TG: variants seen among roughly 807,000 people sequenced by gnomAD.
TG encodes thyroid hormones.
Under a neutral mutation model 324.7 loss-of-function variants are expected in TG, and 270 were observed. That is an observed-to-expected ratio of 0.83 (90% confidence interval 0.75 to 0.92). TG has a LOEUF of 0.92. Ranked by LOEUF, TG falls within the 40% of genes least tolerant of loss-of-function variation. The pLI, the probability that TG is intolerant of heterozygous loss-of-function variation, is 0.00. For missense variants in TG, 3,591 were observed against 3,456.4 expected (o/e 1.04, Z -0.98); for synonymous variants, 1,401 against 1,327.0 (o/e 1.06, Z -1.21).
At chr8:132,885,056 G>T (rs559255136) in intron 8 of TG, among the ~76,000 whole-genome samples, 1 of 151,374 alleles carries the variant, frequency 6.6e-6, no homozygotes, top group Non-Finnish European at 1.5e-5. Context: ...CTGTTGCCTG[G>T]TTACAGAAGG....
chr8:132,907,008 C>A, intron 17 of TG, 108 bp downstream of exon 17: 1 of 1,181,038 alleles, frequency 8.5e-7, no homozygotes, highest in Non-Finnish European at 1.2e-6. Context: ...AAATGTAGCA[C>A]GCTGGTGGTA....
chr8:133,052,335 A>G (rs1442918382), intron 41 of TG, among the ~76,000 whole-genome samples: 1 of 152,240 alleles, frequency 6.6e-6, no homozygotes, highest in Non-Finnish European at 1.5e-5. Context: ...CATTTGGGGA[A>G]GCTGAGTCCC....
chr8:133,018,243 T>C (rs869769), intron 38 of TG, among the ~76,000 whole-genome samples: 57,622 of 152,114 alleles, frequency 0.38, 11,177 homozygotes, highest in African/African-American at 0.43. Context: ...CTCTGCTCCA[T>C]GCAGTGATTC....
chr8:133,103,964 G>A (rs957151307), intron 43 of TG, among the ~76,000 whole-genome samples: 4 of 152,216 alleles, frequency 2.6e-5, no homozygotes, highest in African/African-American at 9.6e-5. Context: ...ACACTGAAGT[G>A]GGGCCATTGC....
chr8:133,045,170 C>T (rs1321686736), intron 41 of TG: 1 of 1,599,926 alleles, frequency 6.3e-7, no homozygotes, highest in Non-Finnish European at 8.5e-7. Flanking sequence ...CCCCAAGGCA[C>T]CCAGCTAACC....
intron 35 of TG, among the ~76,000 whole-genome samples, chr8:132,991,832 C>T (rs558454586): frequency 6.6e-6 from 1 of 152,222 alleles, no homozygotes; most frequent in South Asian, 2.1e-4. Flanking sequence ...GGTCTGGGCA[C>T]AGCCTCACAT....
chr8:132,888,269 T>A lies in TG; in HGVS notation c.2462T>A (p.Ile821Asn). 6.2e-7 allele frequency: 1 copy of A among 1,614,224 alleles called. No individual in the cohort carries two copies. The highest frequency in any genetic ancestry group is 8.5e-7 in the Non-Finnish European group (1 of 1,180,036). Reference protein sequence around the residue: ...EAASGNFSLFIQSLYEAGQQD... With the variant: ...EAASGNFSLFNQSLYEAGQQD... ...GCTTCCGGAAACTTCAGTCTCTTTATTCAAAGTCTGTATGAGGCTGGCCAG... is the reference window on the plus strand; with the variant it reads ...GCTTCCGGAAACTTCAGTCTCTTTAATCAAAGTCTGTATGAGGCTGGCCAG... Residue 821 changes from isoleucine to asparagine, a missense_variant, in exon 10 of 48, where the codon ATT becomes AAT. Coordinates refer to ENST00000220616, the MANE Select transcript of TG (RefSeq NM_003235.5).
chr8:133,073,782 C>G (rs754486374), intron 41 of TG, among the ~76,000 whole-genome samples: 64 of 152,240 alleles, frequency 4.2e-4, no homozygotes, highest in Non-Finnish European at 8.2e-4. Context: ...TGAGGCTCCC[C>G]CAACCCTTTA....
chr8:132,908,600 AG>A (rs1400440449), intron 18 of TG, among the ~76,000 whole-genome samples: 30 of 152,056 alleles, frequency 2.0e-4, no homozygotes, highest in Admixed American at 1.6e-3. Context: ...TTTGATGTCA[AG>A]GCTGAGGTCT....
chr8:132,961,094 G>A (rs1564006830), intron 28 of TG, 21 bp downstream of exon 28: 1 of 1,613,556 alleles, frequency 6.2e-7, no homozygotes, highest in East Asian at 2.2e-5. Flanking sequence ...TGGTGGAAGA[G>A]GGGGTTAGCA....
chr8:133,006,965 G>A (rs1344356715), intron 35 of TG, among the ~76,000 whole-genome samples: 2 of 152,052 alleles, frequency 1.3e-5, no homozygotes, highest in Non-Finnish European at 2.9e-5. Flanking sequence ...ACGTTTTAAG[G>A]TTTCACAATT....
At chr8:133,130,269 A>G (rs1318597419) in intron 45 of TG, among the ~76,000 whole-genome samples, 1 of 152,228 alleles carries the variant, frequency 6.6e-6, no homozygotes, top group East Asian at 1.9e-4. Flanking sequence ...TGGAGGAAAC[A>G]GTAGACCAGG....
At chr8:133,107,160 G>A (rs1465646802) in intron 43 of TG, among the ~76,000 whole-genome samples, 1 of 152,180 alleles carries the variant, frequency 6.6e-6, no homozygotes, top group Non-Finnish European at 1.5e-5. Flanking sequence ...GGCACAGACA[G>A]GCATATCCAC....
chr8:132,934,708 C>A (rs1823306999), intron 24 of TG, among the ~76,000 whole-genome samples: 1 of 152,188 alleles, frequency 6.6e-6, no homozygotes, highest in South Asian at 2.1e-4. Context: ...TGCTGTAGCC[C>A]CTGTCCTCCA....
At position 133,131,755 on chromosome 8, in the gene TG, T is replaced by C; in HGVS notation, c.7863-57T>C. 3 of 1,607,650 alleles carry C rather than the reference T, an allele frequency of 1.9e-6. No individual in the cohort carries two copies. The South Asian group carries it at 3.3e-5, about 18-fold the overall frequency. ...ATATTTTTGTTTGTGTGTTTGTGTTTTTGAGTAGTTTACTTTCTCTTGACC... is the reference window on the plus strand; with the variant it reads ...ATATTTTTGTTTGTGTGTTTGTGTTCTTGAGTAGTTTACTTTCTCTTGACC... On this transcript the variant is annotated intron_variant, in intron 45 of 47. Transcript: ENST00000220616.
chr8:132,878,841 C>T (rs1373655683), intron 5 of TG, among the ~76,000 whole-genome samples: 1 of 152,126 alleles, frequency 6.6e-6, no homozygotes, highest in Non-Finnish European at 1.5e-5. Flanking sequence ...CTGGTCAAAT[C>T]ACCATTCGTG....
intron 41 of TG, chr8:133,036,939 G>A (rs571156257): frequency 6.6e-6 from 1 of 152,492 alleles, no homozygotes; most frequent in South Asian, 2.1e-4. Flanking sequence ...AATGTCCACA[G>A]TGTTACATTC....
intron 41 of TG, among the ~76,000 whole-genome samples, chr8:133,045,603 C>T (rs1324285648): frequency 2.6e-5 from 4 of 152,028 alleles, no homozygotes; most frequent in Non-Finnish European, 5.9e-5. Context: ...CTACATTGCC[C>T]AGGCTGATCT....
chr8:132,906,686 A>C lies in TG; in HGVS notation c.3635-2A>C. 2 of 1,613,938 alleles carry C rather than the reference A, an allele frequency of 1.2e-6. No individual in the cohort carries two copies. Among genetic ancestry groups the C allele is most frequent in the Non-Finnish European group, 1.7e-6 (2 of 1,180,010 alleles). Reference sequence around the variant, plus strand: ...ACCACGGCTCCACTTTCCTTCTCCCAGGCCCGCGGTGTCCGCTGCCATTCA... The same window carrying C: ...ACCACGGCTCCACTTTCCTTCTCCCCGGCCCGCGGTGTCCGCTGCCATTCA... On this transcript the variant is annotated splice_acceptor_variant, in intron 16 of 47. Coordinates refer to ENST00000220616, the MANE Select transcript of TG (RefSeq NM_003235.5). LOFTEE classifies it high-confidence loss of function.
Sources: allele counts gnomAD v4.1 joint callset (sites outside exome capture counted in the v4.1 genomes callset), GRCh38; gene constraint gnomAD v4.1.1; transcripts MANE v1.5; gene names NCBI Gene and HGNC (gene_info 2026-07-23, HGNC 2026-07-21).